The following TMC1 variants were observed in gnomAD, a reference collection of about 807,000 sequenced individuals.
TMC1 encodes the protein transmembrane channel like 1, also known as transmembrane channel-like protein 1.
TMC1 carries 84 observed loss-of-function variants against 105.8 expected under a neutral mutation model. The observed-to-expected ratio is 0.79, with a 90% confidence interval of 0.67 to 0.95. The LOEUF is 0.95. Ranked by LOEUF, TMC1 falls within the 40% of genes least tolerant of loss-of-function variation. TMC1 has a pLI of 0.00. For missense variants in TMC1, 817 were observed against 914.1 expected, an observed-to-expected ratio of 0.89 and a Z score of 1.37; for synonymous variants, 315 against 311.5, an observed-to-expected ratio of 1.01 and a Z score of -0.12.
chr9:72,530,060 A>C (rs546812731), intron 1 of TMC1, among the ~76,000 whole-genome samples: 4 of 152,164 alleles, frequency 2.6e-5, no homozygotes, highest in African/African-American at 9.7e-5. Context: ...GGAATAAAGG[A>C]ATATCATTAT....
intron 8 of TMC1, among the ~76,000 whole-genome samples, chr9:72,727,516 G>A (rs892485786): frequency 6.6e-6 from 1 of 151,870 alleles, no homozygotes; most frequent in Non-Finnish European, 1.5e-5. Flanking sequence ...TCATAGCTAT[G>A]TATAGCAATC....
intron 4 of TMC1, among the ~76,000 whole-genome samples, chr9:72,639,101 A>G (rs1825582749): frequency 6.6e-6 from 1 of 152,108 alleles, no homozygotes; most frequent in Admixed American, 6.6e-5. Flanking sequence ...TTTTATAATC[A>G]GGAAATATGT....
chr9:72,739,975 T>A (rs1435957137), intron 8 of TMC1, 144 bp from the exon 9 acceptor site: 1 of 633,108 alleles, frequency 1.6e-6, no homozygotes, highest in African/African-American at 1.8e-5. Context: ...ATTTCTAGGT[T>A]ATGAAATACA....
Position 72,836,596 on chromosome 9 carries a change from T to C in TMC1, c.*623T>C, listed in dbSNP as rs1217501098. On this transcript the variant is annotated 3_prime_UTR_variant, in exon 24 of 24. Coordinates refer to ENST00000297784, the MANE Select transcript of TMC1 (RefSeq NM_138691.3). ...GTTTTTAGAAGAAAAAAAAATCCTA[T>C]ATGAATTGGGGCCTGGATAGCACTG... 6.5e-6 allele frequency: 1 copy of C among 153,302 alleles called. No homozygotes were observed. Among genetic ancestry groups the C allele is most frequent in the African/African-American group, 2.4e-5 (1 of 41,388 alleles). The allele number at this position is 153,302 out of a possible 1,614,324, so 9.5% of individuals were successfully genotyped here.
intron 7 of TMC1, 148 bp from the exon 8 acceptor site, chr9:72,700,370 T>G: frequency 2.0e-6 from 1 of 507,722 alleles, no homozygotes; most frequent in African/African-American, 1.9e-5. Context: ...GTGTTCAGAT[T>G]TGAGTTCTCA....
Position 72,788,325 on chromosome 9 carries a change from T to A in TMC1, c.885-14T>A. 6.2e-7 allele frequency: 1 copy of A among 1,614,024 alleles called. No homozygotes were observed. Among genetic ancestry groups the A allele is most frequent in the East Asian group, 2.2e-5 (1 of 44,870 alleles). On this transcript the variant is annotated splice_polypyrimidine_tract_variant and intron_variant, in intron 13 of 23. Coordinates refer to ENST00000297784, the MANE Select transcript of TMC1 (RefSeq NM_138691.3). ...TTTTTTCTGGCTGCTGGGTTAAACT[T>A]CCTGTTTTTGCAGAATGACCAAAAA...
At chr9:72,632,788 A>G (rs10512012) in intron 4 of TMC1, among the ~76,000 whole-genome samples, 5,840 of 152,290 alleles carry the variant, frequency 0.038, 218 homozygotes, top group Middle Eastern at 0.11. Context: ...ATAAGTACTC[A>G]GGCAGTAGTA....
At chr9:72,588,275 G>A (rs1824584918) in intron 2 of TMC1, among the ~76,000 whole-genome samples, 1 of 152,152 alleles carries the variant, frequency 6.6e-6, no homozygotes, top group Non-Finnish European at 1.5e-5. Flanking sequence ...CAGGGATGAA[G>A]CTAACAAAAA....
chr9:72,602,626 C>T (rs13289737), intron 2 of TMC1, among the ~76,000 whole-genome samples: 10,943 of 152,222 alleles, frequency 0.072, 464 homozygotes, highest in Middle Eastern at 0.095. Context: ...CCATCCGCCT[C>T]GGCCTCCCAA....
intron 10 of TMC1, among the ~76,000 whole-genome samples, chr9:72,749,392 C>A (rs1827542150): frequency 6.6e-6 from 1 of 152,160 alleles, no homozygotes; most frequent in Admixed American, 6.5e-5. Flanking sequence ...TAATGAGTAA[C>A]AAACTGTAAG....
intron 1 of TMC1, among the ~76,000 whole-genome samples, chr9:72,532,446 C>G (rs932577466): frequency 1.3e-5 from 2 of 148,938 alleles, no homozygotes; most frequent in African/African-American, 4.9e-5. Flanking sequence ...GAGGCTGAGG[C>G]AGGAGAATCG....
intron 5 of TMC1, among the ~76,000 whole-genome samples, chr9:72,671,263 G>A (rs1416407112): frequency 6.6e-6 from 1 of 152,176 alleles, no homozygotes; most frequent in Non-Finnish European, 1.5e-5. Flanking sequence ...TTGACCTTTT[G>A]TCGTGAGAGA....
intron 1 of TMC1, among the ~76,000 whole-genome samples, chr9:72,557,504 T>C (rs991420526): frequency 3.3e-5 from 5 of 152,228 alleles, no homozygotes; most frequent in Admixed American, 2.0e-4. Flanking sequence ...TGAGCACTTA[T>C]TTTACAATCA....
intron 1 of TMC1, among the ~76,000 whole-genome samples, chr9:72,551,259 C>A (rs1335688218): frequency 3.9e-5 from 6 of 152,196 alleles, no homozygotes; most frequent in Admixed American, 3.3e-4. Flanking sequence ...TTGTAAACCA[C>A]TACATTTTTG....
intron 1 of TMC1, among the ~76,000 whole-genome samples, chr9:72,535,183 T>C (rs1036343729): frequency 2.0e-5 from 3 of 152,208 alleles, no homozygotes; most frequent in African/African-American, 7.2e-5. Context: ...GTTACCCAGT[T>C]CACCTCTGTT....
chr9:72,675,390 G>A (rs747162184), intron 5 of TMC1, among the ~76,000 whole-genome samples: 3 of 152,104 alleles, frequency 2.0e-5, no homozygotes, highest in Non-Finnish European at 2.9e-5. Flanking sequence ...TAGTCTTACT[G>A]TCTAAAACTA....
chr9:72,837,230 T>C lies in TMC1; in HGVS notation c.*1257T>C, dbSNP rs56184503. 0.086 allele frequency: 13,163 copies of C among 152,314 alleles called. 676 individuals carry two copies. Among genetic ancestry groups the C allele is most frequent in the Non-Finnish European group, 0.13 (8,747 of 68,032 alleles). The allele number at this position is 152,314 out of a possible 1,614,324, so 9.4% of individuals were successfully genotyped here. Reference sequence around the variant, plus strand: ...GGAAGGTCATATACTAGTTAAACTCTGCCATTTTGCTTAGTGGGCATGCTT... The same window carrying C: ...GGAAGGTCATATACTAGTTAAACTCCGCCATTTTGCTTAGTGGGCATGCTT... On this transcript the variant is annotated 3_prime_UTR_variant, in exon 24 of 24. Coordinates refer to ENST00000297784, the MANE Select transcript of TMC1 (RefSeq NM_138691.3).
chr9:72,831,565 G>C (rs569920159), intron 23 of TMC1, among the ~76,000 whole-genome samples: 1,775 of 151,916 alleles, frequency 0.012, 31 homozygotes, highest in East Asian at 0.073. Context: ...TTAGGTATAT[G>C]TCCTAATGCT....
chr9:72,659,533 G>A (rs1205467720), intron 5 of TMC1, among the ~76,000 whole-genome samples: 2 of 152,174 alleles, frequency 1.3e-5, no homozygotes, highest in Admixed American at 6.5e-5. Flanking sequence ...ACTGGGGTGG[G>A]TGAGGCATGA....
Sources: allele counts gnomAD v4.1 joint callset (sites outside exome capture counted in the v4.1 genomes callset), GRCh38; gene constraint gnomAD v4.1.1; transcripts MANE v1.5; gene names NCBI Gene and HGNC (gene_info 2026-07-23, HGNC 2026-07-21).